TSC22D1: variants seen among roughly 807,000 people sequenced by gnomAD.
TSC22D1 encodes the protein TSC22 domain family protein 1.
In TSC22D1, 9 loss-of-function variants were observed where a neutral mutation model predicts 74.2. The ratio of observed to expected loss-of-function variants is 0.12; its 90% confidence interval spans 0.07 to 0.21. TSC22D1 has a LOEUF of 0.21. Among genes scored for constraint, TSC22D1 ranks in the 10% least tolerant of loss-of-function variants. TSC22D1 has a pLI of 1.00. For missense variants in TSC22D1, 1,427 were observed against 1,304.7 expected (o/e 1.09, Z -1.44); for synonymous variants, 586 against 492.5 (o/e 1.19, Z -2.51).
intron 1 of TSC22D1, among the ~76,000 whole-genome samples, chr13:44,483,743 T>G: frequency 6.6e-6 from 1 of 152,110 alleles, no homozygotes; most frequent in East Asian, 1.9e-4. Context: ...AGGATATTAT[T>G]TGAATAGCTT....
intron 1 of TSC22D1, among the ~76,000 whole-genome samples, chr13:44,460,538 C>T (rs563015987): frequency 6.6e-6 from 1 of 152,184 alleles, no homozygotes; most frequent in Admixed American, 6.5e-5. Flanking sequence ...TAAAGAGAAC[C>T]ACCTCTTACT....
chr13:44,519,322 A>C (rs1333339409), intron 1 of TSC22D1, among the ~76,000 whole-genome samples: 6 of 152,204 alleles, frequency 3.9e-5, no homozygotes, highest in Admixed American at 1.3e-4. Context: ...GAAGGGTATA[A>C]GCCAATTAGC....
At position 44,575,952 on chromosome 13, in the gene TSC22D1, G is replaced by A. The variant is rs1399054705; in HGVS notation, c.123C>T (p.Leu41=). 2 of 1,609,256 alleles carry A rather than the reference G, an allele frequency of 1.2e-6. No individual in the cohort carries two copies. Among genetic ancestry groups the A allele is most frequent in the South Asian group, 1.1e-5 (1 of 90,550 alleles). ...TACCGACGCCGGTACCTGCTGCATT[G>A]AGAGCAGAGGCGCTGCCACTACCGC... ...RGSGSGSASA[L]NAAGTGVGSN... Residue 41 remains leucine (L), a synonymous_variant, in exon 1 of 3, where the codon CTC becomes CTT. Coordinates refer to ENST00000458659, the MANE Select transcript of TSC22D1 (RefSeq NM_183422.4).
chr13:44,530,465 CA>C (rs1880773453), intron 1 of TSC22D1, among the ~76,000 whole-genome samples: 2 of 151,530 alleles, frequency 1.3e-5, no homozygotes, highest in Admixed American at 1.3e-4. Flanking sequence ...GGATATAAAA[CA>C]GGGGAAAATC....
intron 1 of TSC22D1, among the ~76,000 whole-genome samples, chr13:44,544,176 A>G (rs892520199): frequency 1.3e-5 from 2 of 152,228 alleles, no homozygotes; most frequent in African/African-American, 4.8e-5. Context: ...TTTTTAGTAT[A>G]GTTAGCAGAA....
At chr13:44,470,826 G>A (rs1267204059) in intron 1 of TSC22D1, among the ~76,000 whole-genome samples, 1 of 152,134 alleles carries the variant, frequency 6.6e-6, no homozygotes. Flanking sequence ...AAAGCAAGTT[G>A]ACGTCAGACC....
intron 1 of TSC22D1, among the ~76,000 whole-genome samples, chr13:44,468,284 T>A (rs1241227404): frequency 6.6e-6 from 1 of 151,818 alleles, no homozygotes; most frequent in East Asian, 1.9e-4. Context: ...ATGTACACTA[T>A]TCGGGTGATG....
intron 1 of TSC22D1, among the ~76,000 whole-genome samples, chr13:44,482,315 A>T: frequency 6.6e-6 from 1 of 152,264 alleles, no homozygotes; most frequent in African/African-American, 2.4e-5. Context: ...CAAGTGGATC[A>T]CCTGAGGTCA....
intron 1 of TSC22D1, among the ~76,000 whole-genome samples, chr13:44,471,348 C>T (rs1595101812): frequency 6.6e-6 from 1 of 152,170 alleles, no homozygotes. Flanking sequence ...ACTAAATTAT[C>T]TCTTCCAACA....
intron 1 of TSC22D1, chr13:44,437,261 C>G: frequency 1.0e-6 from 1 of 985,520 alleles, no homozygotes; most frequent in Non-Finnish European, 1.2e-6. Flanking sequence ...CCCGAACCGT[C>G]TGAGCTACTG....
chr13:44,447,837 T>TC (rs1418785735), intron 1 of TSC22D1, among the ~76,000 whole-genome samples: 30 of 147,106 alleles, frequency 2.0e-4, no homozygotes, highest in Admixed American at 5.4e-4. Context: ...CCTTTTCTTT[T>TC]TTTTTTTTTT....
At position 44,437,157 on chromosome 13, in the gene TSC22D1, G is replaced by A. The variant is rs554973997; in HGVS notation, c.2913-1062C>T. The stretch of plus-strand genomic sequence containing the variant: ...AAGGGTCCCTGAAAAATACTATGGG[G>A]GCCCCCACACGTGCTTACGTTTAAG... On this transcript the variant is annotated intron_variant, in intron 1 of 2. Transcript: ENST00000458659. 7 of 985,604 alleles carry A rather than the reference G, an allele frequency of 7.1e-6. No individual in the cohort carries two copies. In the East Asian group the frequency reaches 7.9e-4, roughly 112 times the overall value. 61.1% of individuals were successfully genotyped at this position (985,604 alleles called of 1,614,324 possible).
rs9525984 is a variant in TSC22D1 at position 44,575,526 on chromosome 13, G to A, written c.549C>T (p.Ala183=). The change falls in exon 1 of 3, where the codon GCC becomes GCT. Residue 183 remains alanine (A), a synonymous_variant. Coordinates refer to ENST00000458659, the MANE Select transcript of TSC22D1 (RefSeq NM_183422.4). ...SEETLNNFQE[A]ETPGAVSPNQ... ...TGGGAGAGACTGCCCCAGGTGTCTC[G>A]GCTTCCTGGAAGTTATTTAGGGTCT... is the stretch of plus-strand genomic sequence containing the variant. The A allele has an allele frequency of 0.11, 175,970 of 1,613,882 alleles. 10,353 individuals carry two copies. The highest frequency in any genetic ancestry group is 0.12 in the Non-Finnish European group (144,489 of 1,179,934).
chr13:44,464,655 G>A lies in TSC22D1; in HGVS notation c.2913-28560C>T, dbSNP rs180872239. Among the ~76,000 whole-genome samples, 289 of 152,326 alleles carry A rather than the reference G, an allele frequency of 1.9e-3. 1 individual carries two copies. The highest frequency in any genetic ancestry group is 4.6e-3 in the African/African-American group (193 of 41,572). ...CTTCACAAGAGCACTCAGTACAGCT[G>A]GTGAATTACAGCCTTTATCAAGAAT... On this transcript the variant is annotated intron_variant, in intron 1 of 2. Transcript: ENST00000458659.
chr13:44,501,149 G>A (rs1879205328), intron 1 of TSC22D1, among the ~76,000 whole-genome samples: 2 of 152,146 alleles, frequency 1.3e-5, no homozygotes, highest in Non-Finnish European at 1.5e-5. Flanking sequence ...ACTGCGAGGT[G>A]GTGAACCAAT....
chr13:44,490,726 C>T (rs925255676), intron 1 of TSC22D1, among the ~76,000 whole-genome samples: 2 of 151,636 alleles, frequency 1.3e-5, no homozygotes, highest in East Asian at 1.9e-4. Flanking sequence ...GGAGAAACCC[C>T]GTCTCTACTA....
In TSC22D1 at chr13:44,573,249, A is replaced by T. The variant is rs1205488590; in HGVS notation, c.2826T>A (p.Ser942Arg). 6.2e-7 allele frequency: 1 copy of T among 1,614,130 alleles called. No individual in the cohort carries two copies. Among genetic ancestry groups the T allele is most frequent in the Non-Finnish European group, 8.5e-7 (1 of 1,180,030 alleles). ...SGGMSAVSDG[S>R]SSSLAASASL... is the part of the protein sequence containing the mutation. ...AAGCAGAGGCTGCTAGGCTGCTGCTACTCCCATCTGAAACTGCTGACATTC... is the reference window on the plus strand; with the variant it reads ...AAGCAGAGGCTGCTAGGCTGCTGCTTCTCCCATCTGAAACTGCTGACATTC... The change falls in exon 1 of 3, where the codon AGT becomes AGA. Residue 942 changes from serine (S) to arginine (R), a missense_variant. Physicochemically the swap from Ser to Arg is moderately radical, Grantham distance 110. Transcript: ENST00000458659.
At chr13:44,562,849 G>A (rs913076561) in intron 1 of TSC22D1, among the ~76,000 whole-genome samples, 4 of 152,116 alleles carry the variant, frequency 2.6e-5, no homozygotes, top group Non-Finnish European at 4.4e-5. Flanking sequence ...GCTCATGCCC[G>A]TAATCCCAAC....
At position 44,575,414 on chromosome 13, in the gene TSC22D1, G is replaced by A. The variant is rs753203330; in HGVS notation, c.661C>T (p.His221Tyr). The A allele has an allele frequency of 6.2e-7, 1 of 1,613,952 alleles. No individual in the cohort carries two copies. The highest frequency in any genetic ancestry group is 1.3e-5 in the African/African-American group (1 of 75,014). Residue 221 changes from histidine (H) to tyrosine (Y), a missense_variant, in exon 1 of 3, where the codon CAT (histidine) becomes TAT (tyrosine). This residue lies in a region of TSC22D1 where 1,343 missense variants were observed against 1,191.5 expected (regional missense o/e 1.13). Coordinates refer to ENST00000458659, the MANE Select transcript of TSC22D1 (RefSeq NM_183422.4). ...INGNAHPHHLHHHHQIHHGHH... is the reference protein window; with the variant it reads ...INGNAHPHHLYHHHQIHHGHH... ...CCATGATGAATCTGATGGTGGTGAT[G>A]GAGGTGGTGTGGATGAGCATTCCCA...
Sources: allele counts gnomAD v4.1 joint callset (sites outside exome capture counted in the v4.1 genomes callset), GRCh38; gene constraint gnomAD v4.1.1; regional missense constraint gnomAD v4.1.1; transcripts MANE v1.5; gene names NCBI Gene and HGNC (gene_info 2026-07-23, HGNC 2026-07-21).